MPHOSPH9: variants seen among roughly 807,000 people sequenced by gnomAD.
MPHOSPH9 encodes the protein M-phase phosphoprotein 9.
In MPHOSPH9, 88 loss-of-function variants were observed where a neutral mutation model predicts 145.5. The ratio of observed to expected loss-of-function variants is 0.60; its 90% CI spans 0.51 to 0.72. The LOEUF (loss-of-function observed/expected upper bound fraction) is 0.72. Ranked by LOEUF, MPHOSPH9 falls within the 30% of genes least tolerant of loss-of-function variation. The probability of loss-of-function intolerance (pLI) is 0.00; values close to 1 mark genes in which losing one functional copy is unlikely to be tolerated. For synonymous variants in MPHOSPH9, 435 were observed against 486.2 expected, an observed-to-expected ratio of 0.89 and a Z score of 1.39; for missense variants, 1,238 against 1,386.6, an observed-to-expected ratio of 0.89 and a Z score of 1.70.
In MPHOSPH9 at chr12:123,162,177, G is replaced by A. The variant is rs764784093; in HGVS notation, c.3071C>T (p.Ser1024Phe). The A allele has an allele frequency of 6.3e-7, 1 of 1,584,358 alleles. No individual in the cohort carries two copies. The highest frequency in any genetic ancestry group is 8.6e-7 in the Non-Finnish European group (1 of 1,163,166). Residue 1024 changes from serine (S) to phenylalanine (F), a missense_variant, in exon 21 of 24, where the codon TCT becomes TTT. Around this residue, in one of 3 missense-constraint regions of MPHOSPH9, gnomAD observed 393 missense variants for 462.5 expected, o/e 0.85. Transcript: ENST00000606320. ...LLDDLDTVPV[S>F]TLQRTNPRKQ... is the part of the protein sequence containing the mutation. ...TCTTGGATTGGTACGTTGTAATGTAGACACAGGAACAGTATCTAAATCATC... is the reference window on the plus strand; with the variant it reads ...TCTTGGATTGGTACGTTGTAATGTAAACACAGGAACAGTATCTAAATCATC...
At chr12:123,234,972 C>T (rs2138734899), upstream of MPHOSPH9, among the ~76,000 whole-genome samples, 1 of 152,164 alleles carries the variant, frequency 6.6e-6, no homozygotes, top group South Asian at 2.1e-4. Flanking sequence ...TGGACCATAC[C>T]AAGTAAAATA....
At chr12:123,183,812 T>C (rs2045313866) in intron 13 of MPHOSPH9, among the ~76,000 whole-genome samples, 1 of 152,034 alleles carries the variant, frequency 6.6e-6, no homozygotes, top group South Asian at 2.1e-4. Context: ...TTCAGCCAGG[T>C]GGCAGGACAG....
At chr12:123,162,448 T>G (rs2044150704) in intron 20 of MPHOSPH9, 1 of 291,900 alleles carries the variant, frequency 3.4e-6, no homozygotes, top group South Asian at 1.3e-4. Flanking sequence ...CATTTGATAT[T>G]TATAAAAACC....
intron 8 of MPHOSPH9, among the ~76,000 whole-genome samples, chr12:123,206,210 A>C (rs2046423222): frequency 6.6e-6 from 1 of 152,050 alleles, no homozygotes; most frequent in Admixed American, 6.6e-5. Context: ...GCACTTTGGG[A>C]GGCTGAGGCA....
chr12:123,163,102 C>T lies in MPHOSPH9; in HGVS notation c.2941G>A (p.Val981Met). 1.3e-6 allele frequency: 2 copies of T among 1,589,060 alleles called. No homozygotes were observed. Among genetic ancestry groups the T allele is most frequent in the East Asian group, 2.3e-5 (1 of 43,430 alleles). Residue 981 changes from valine to methionine, a missense_variant, in exon 20 of 24, where the codon GTG becomes ATG. Transcript: ENST00000606320. ...KREIMLTPVT[V>M]AYSPKRSPKE... ...GGGGATCGCTTTGGACTATAAGCCA[C>T]AGTCACTGGTGTTAGCATAATCTCT...
At chr12:123,221,227 T>C (rs181310120) in intron 5 of MPHOSPH9, 145 bp downstream of exon 5, 1 of 672,718 alleles carries the variant, frequency 1.5e-6, no homozygotes. Flanking sequence ...GTCATTAGAA[T>C]ATAGTGTGCT....
chr12:123,186,985 G>A (rs545173183), intron 13 of MPHOSPH9, among the ~76,000 whole-genome samples: 10 of 151,998 alleles, frequency 6.6e-5, no homozygotes, highest in African/African-American at 2.4e-4. Flanking sequence ...GAGGCCAGGC[G>A]CAGTGGCTCT....
intron 11 of MPHOSPH9, among the ~76,000 whole-genome samples, chr12:123,200,732 C>T (rs1391889639): frequency 2.6e-5 from 4 of 151,284 alleles, no homozygotes; most frequent in African/African-American, 9.7e-5. Flanking sequence ...AATTTCGGCT[C>T]ACTGTAACCT....
chr12:123,181,981 G>C (rs2045178149), intron 13 of MPHOSPH9, among the ~76,000 whole-genome samples: 1 of 151,240 alleles, frequency 6.6e-6, no homozygotes, highest in African/African-American at 2.4e-5. Context: ...TTTAGATGGA[G>C]TCGCTCTGTC....
At chr12:123,186,947 C>A (rs1002957866) in intron 13 of MPHOSPH9, among the ~76,000 whole-genome samples, 2 of 151,450 alleles carry the variant, frequency 1.3e-5, no homozygotes, top group Admixed American at 1.3e-4. Flanking sequence ...GGCGACAGAA[C>A]AAGATTCCAT....
At chr12:123,185,623 T>C (rs185475438) in intron 13 of MPHOSPH9, among the ~76,000 whole-genome samples, 25 of 152,140 alleles carry the variant, frequency 1.6e-4, no homozygotes, top group African/African-American at 5.3e-4. Context: ...GTAGTGTCTG[T>C]AGTCTCAGCA....
At chr12:123,219,209 G>T (rs1031649655) in intron 5 of MPHOSPH9, among the ~76,000 whole-genome samples, 2 of 151,834 alleles carry the variant, frequency 1.3e-5, no homozygotes, top group African/African-American at 4.8e-5. Flanking sequence ...CCAGCCAGTT[G>T]TTTTTTCTAC....
At chr12:123,187,278 G>A (rs567972179) in intron 13 of MPHOSPH9, among the ~76,000 whole-genome samples, 4 of 151,544 alleles carry the variant, frequency 2.6e-5, no homozygotes, top group Non-Finnish European at 4.4e-5. Flanking sequence ...AAGAACGAAC[G>A]AACAATATCA....
intron 13 of MPHOSPH9, among the ~76,000 whole-genome samples, chr12:123,184,791 C>A (rs1388319483): frequency 6.6e-6 from 1 of 151,632 alleles, no homozygotes; most frequent in Non-Finnish European, 1.5e-5. Context: ...AGCCACCGTG[C>A]CCGGCCTATT....
At chr12:123,174,631 C>T (rs1339102146) in intron 16 of MPHOSPH9, among the ~76,000 whole-genome samples, 2 of 152,060 alleles carry the variant, frequency 1.3e-5, no homozygotes, top group Non-Finnish European at 2.9e-5. Flanking sequence ...CTCGGCCTCC[C>T]AAAGTGCTGG....
At chr12:123,205,966 G>A (rs1053735119) in intron 8 of MPHOSPH9, among the ~76,000 whole-genome samples, 6 of 152,100 alleles carry the variant, frequency 3.9e-5, no homozygotes, top group Admixed American at 3.3e-4. Flanking sequence ...TTAAGAGAAC[G>A]GTGAATCAGA....
At chr12:123,241,978 G>GT (rs2047946107) in intron 1 of MPHOSPH9, among the ~76,000 whole-genome samples, 1 of 152,158 alleles carries the variant, frequency 6.6e-6, no homozygotes, top group Non-Finnish European at 1.5e-5. Flanking sequence ...TCTATAGTAT[G>GT]TTATCCATCC....
intron 3 of MPHOSPH9, among the ~76,000 whole-genome samples, chr12:123,226,568 G>T (rs534619580): frequency 1.3e-5 from 2 of 151,310 alleles, no homozygotes; most frequent in Non-Finnish European, 2.9e-5. Context: ...GCCCAAGCAG[G>T]TCACAAACTC....
chr12:123,236,111 G>A (rs957396355), upstream of MPHOSPH9, among the ~76,000 whole-genome samples: 2 of 151,910 alleles, frequency 1.3e-5, no homozygotes, highest in African/African-American at 4.8e-5. Flanking sequence ...TAAGGAAAAG[G>A]AGCTAACATT....
Sources: allele counts gnomAD v4.1 joint callset (sites outside exome capture counted in the v4.1 genomes callset), GRCh38; gene constraint gnomAD v4.1.1; regional missense constraint gnomAD v4.1.1; transcripts MANE v1.5; gene names NCBI Gene and HGNC (gene_info 2026-07-23, HGNC 2026-07-21).